The following STRIP2 variants were observed in gnomAD, a reference collection of about 807,000 sequenced individuals.
STRIP2 encodes the protein striatin-interacting protein 2.
A neutral mutation model predicts 107.1 loss-of-function variants in STRIP2; 84 were observed. The observed-to-expected ratio is 0.78, with a 90% CI of 0.66 to 0.94. The LOEUF (loss-of-function observed/expected upper bound fraction) is 0.94. Among genes scored for constraint, STRIP2 ranks in the 40% least tolerant of loss-of-function variants. STRIP2 has a pLI of 0.00. For missense variants in STRIP2, 888 were observed against 1,034.2 expected, an observed-to-expected ratio of 0.86 and a Z score of 1.94; for synonymous variants, 394 against 400.4, an observed-to-expected ratio of 0.98 and a Z score of 0.19.
chr7:129,445,063 G>A (rs1481694835), intron 3 of STRIP2, among the ~76,000 whole-genome samples: 1 of 152,106 alleles, frequency 6.6e-6, no homozygotes, highest in Non-Finnish European at 1.5e-5. Flanking sequence ...GGCAGGTCGT[G>A]GTTTTTTTCC....
At chr7:129,466,799 C>T (rs1798680664) in intron 16 of STRIP2, among the ~76,000 whole-genome samples, 1 of 151,618 alleles carries the variant, frequency 6.6e-6, no homozygotes, top group African/African-American at 2.4e-5. Context: ...TTCTTTCCCC[C>T]TTTCCCCCAT....
At chr7:129,443,511 A>T (rs574413448) in intron 2 of STRIP2, among the ~76,000 whole-genome samples, 1 of 152,150 alleles carries the variant, frequency 6.6e-6, no homozygotes, top group Non-Finnish European at 1.5e-5. Context: ...CTAAACTTCT[A>T]TACCCTTTGA....
Position 129,464,616 on chromosome 7 carries a change from A to G in STRIP2, c.1654A>G (p.Thr552Ala). 6.2e-7 allele frequency: 1 copy of G among 1,613,934 alleles called. No individual in the cohort carries two copies. Among genetic ancestry groups the G allele is most frequent in the Non-Finnish European group, 8.5e-7 (1 of 1,179,978 alleles). Reference sequence around the variant, plus strand: ...TACCTTCTCTCCCCATTGTAGCATCACTGTTCTCCAGAGCATGAAGCTGGG... The same window carrying G: ...TACCTTCTCTCCCCATTGTAGCATCGCTGTTCTCCAGAGCATGAAGCTGGG... ...ADVLPEEMPI[T>A]VLQSMKLGID... The change falls in exon 16 of 21, where the codon ACT (threonine) becomes GCT (alanine). Residue 552 changes from threonine (T) to alanine (A), a missense_variant. Physicochemically the swap from Thr to Ala is moderately conservative, Grantham distance 58. Coordinates refer to ENST00000249344, the MANE Select transcript of STRIP2 (RefSeq NM_020704.3).
rs187625610 is a variant in STRIP2, at chr7:129,459,507, C to G, written c.1341-10C>G. ...GAAGCTTATGATCTGGTATGTCTGG[C>G]CTTTTACAGGGACACAGATACATTG... is the stretch of plus-strand genomic sequence containing the variant. On this transcript the variant is annotated splice_polypyrimidine_tract_variant and intron_variant, in intron 11 of 20. Transcript: ENST00000249344. 1.9e-6 allele frequency: 3 copies of G among 1,613,324 alleles called. No individual in the cohort carries two copies. Among genetic ancestry groups the G allele is most frequent in the African/African-American group, 1.3e-5 (1 of 74,896 alleles).
chr7:129,459,371 C>A, intron 11 of STRIP2, 146 bp from the exon 12 acceptor site: 1 of 681,074 alleles, frequency 1.5e-6, no homozygotes, highest in Middle Eastern at 2.5e-4. Flanking sequence ...TGATGTGGGA[C>A]CTACGAGCTT....
chr7:129,467,293 C>A, intron 16 of STRIP2, 57 bp from the exon 17 acceptor site: 2 of 1,256,012 alleles, frequency 1.6e-6, no homozygotes, highest in Non-Finnish European at 1.2e-6. Context: ...TTTTTTCAAA[C>A]ATACTTTCCA....
At position 129,464,682 on chromosome 7, in the gene STRIP2, AT is replaced by A; in HGVS notation, c.1721del (p.Ile574ThrfsTer35). 12 of 1,614,090 alleles carry A rather than the reference AT, an allele frequency of 7.4e-6. No homozygotes were observed. The highest frequency in any genetic ancestry group is 1.0e-5 in the Non-Finnish European group (12 of 1,179,982). On this transcript the variant is annotated frameshift_variant, in exon 16 of 21. Coordinates refer to ENST00000249344, the MANE Select transcript of STRIP2 (RefSeq NM_020704.3). LOFTEE classifies it high-confidence loss of function. ...GCACAAGGAGATTATTGTAAAGAGT[AT>A]CTCTACCCTGCTTCTGCTACTCCTC... ...NRHKEIIVKSISTLLLLLLKH... is the reference protein window; with the variant it reads ...NRHKEIIVKSXSTLLLLLLKH...
chr7:129,485,502 C>G (rs1291807137), intron 20 of STRIP2, 77 bp from the exon 21 acceptor site: 7 of 1,518,646 alleles, frequency 4.6e-6, no homozygotes, highest in Non-Finnish European at 6.3e-6. Flanking sequence ...TTTTTGGAAT[C>G]CCATAGACCA....
chr7:129,467,233 T>C (rs564812791), intron 16 of STRIP2, 117 bp from the exon 17 acceptor site: 5 of 734,564 alleles, frequency 6.8e-6, no homozygotes, highest in Non-Finnish European at 1.1e-5. Context: ...ATAACACAAG[T>C]GGATAGTAGA....
At chr7:129,438,249 A>G (rs972304131) in intron 1 of STRIP2, among the ~76,000 whole-genome samples, 2 of 152,358 alleles carry the variant, frequency 1.3e-5, no homozygotes, top group South Asian at 4.1e-4. Flanking sequence ...AATATAGAAA[A>G]AAGTGTAAGT....
chr7:129,459,485 G>A (rs1311187529), intron 11 of STRIP2, 32 bp from the exon 12 acceptor site: 2 of 1,600,762 alleles, frequency 1.2e-6, no homozygotes, highest in Non-Finnish European at 1.7e-6. Context: ...TACTTTGGAA[G>A]CTTATGATCT....
chr7:129,445,208 C>A (rs1190862152), intron 3 of STRIP2, among the ~76,000 whole-genome samples: 1 of 152,156 alleles, frequency 6.6e-6, no homozygotes, highest in African/African-American at 2.4e-5. Context: ...AATGGATCTC[C>A]TGTATTCCAT....
At position 129,440,014 on chromosome 7, in the gene STRIP2, T is replaced by G. The variant is rs562714648; in HGVS notation, c.130-8T>G. 1.2e-6 allele frequency: 2 copies of G among 1,613,656 alleles called. No individual in the cohort carries two copies. Among genetic ancestry groups the G allele is most frequent in the Non-Finnish European group, 1.7e-6 (2 of 1,179,590 alleles). On this transcript the variant is annotated splice_polypyrimidine_tract_variant and splice_region_variant and intron_variant, in intron 1 of 20. Coordinates refer to ENST00000249344, the MANE Select transcript of STRIP2 (RefSeq NM_020704.3). ...ATCCCAGTTACCAACAAAATTTCTC[T>G]GTTACAGGGCTCTGTGGACTGTCCC...
chr7:129,476,660 G>T (rs1798960707), intron 18 of STRIP2, among the ~76,000 whole-genome samples: 1 of 151,362 alleles, frequency 6.6e-6, no homozygotes, highest in Non-Finnish European at 1.5e-5. Flanking sequence ...ACTGGATGGC[G>T]GCCGGGAAGA....
At chr7:129,468,619 C>T (rs1798725677) in intron 17 of STRIP2, among the ~76,000 whole-genome samples, 1 of 152,164 alleles carries the variant, frequency 6.6e-6, no homozygotes. Flanking sequence ...GCACTGGCCC[C>T]TTTAAAACTG....
intron 8 of STRIP2, among the ~76,000 whole-genome samples, chr7:129,456,131 T>C (rs1485473156): frequency 6.8e-6 from 1 of 147,910 alleles, no homozygotes; most frequent in Admixed American, 6.8e-5. Context: ...CTTAAAAAAG[T>C]CGATAGTTTC....
intron 2 of STRIP2, among the ~76,000 whole-genome samples, chr7:129,440,306 T>C (rs1353021961): frequency 2.0e-5 from 3 of 152,174 alleles, no homozygotes; most frequent in Non-Finnish European, 4.4e-5. Flanking sequence ...GTATTCTTCA[T>C]TCTGTCATTC....
chr7:129,445,901 GAGTA>G (rs1435647729), intron 3 of STRIP2, among the ~76,000 whole-genome samples: 1 of 152,156 alleles, frequency 6.6e-6, no homozygotes, highest in Non-Finnish European at 1.5e-5. Context: ...CCCTTATCTG[GAGTA>G]AGTGTCTATT....
At chr7:129,463,407 G>A (rs1239820310) in intron 14 of STRIP2, among the ~76,000 whole-genome samples, 1 of 152,182 alleles carries the variant, frequency 6.6e-6, no homozygotes, top group Non-Finnish European at 1.5e-5. Flanking sequence ...AAAGAAAAGA[G>A]TGGGAGAAGT....
Sources: gnomAD v4.1 joint callset for allele counts (sites outside exome capture counted in the v4.1 genomes callset) on GRCh38, gnomAD v4.1.1 for gene constraint, MANE v1.5 for transcripts, NCBI Gene and HGNC (gene_info 2026-07-23, HGNC 2026-07-21) for gene names.